The following REM2 variants were observed in gnomAD, a reference collection of about 807,000 sequenced individuals.
REM2 encodes the protein RRAD and GEM like GTPase 2.
REM2 carries 24 observed loss-of-function variants against 24.4 expected under a neutral mutation model. The observed-to-expected ratio is 0.98, with a 90% confidence interval of 0.71 to 1.38. The LOEUF is 1.38. REM2 is among the 40% of genes most tolerant of loss of function. The probability of loss-of-function intolerance (pLI) is 0.00; values close to 1 mark genes in which losing one functional copy is unlikely to be tolerated. For missense variants in REM2, 429 were observed against 467.8 expected (o/e 0.92, Z 0.77); for synonymous variants, 187 against 198.0 (o/e 0.94, Z 0.47).
intron 3 of REM2, 73 bp downstream of exon 3, chr14:22,885,412 G>A: frequency 1.8e-6 from 2 of 1,133,396 alleles, no homozygotes; most frequent in Non-Finnish European, 2.7e-6. Flanking sequence ...TCTGGCTGAA[G>A]GCTGGTGGGA....
rs565313824 is a variant in REM2 at position 22,885,769 on chromosome 14, C to T, written c.520-255C>T. ...TAGAAATAAGAGGCCAAATTACAGACGTGTGAATAATATTCATTTTTGAAT... is the reference window on the plus strand; with the variant it reads ...TAGAAATAAGAGGCCAAATTACAGATGTGTGAATAATATTCATTTTTGAAT... On this transcript the variant is annotated intron_variant, in intron 3 of 4. Coordinates refer to ENST00000267396, the MANE Select transcript of REM2 (RefSeq NM_173527.3). Among the ~76,000 whole-genome samples the T allele has an allele frequency of 4.6e-5, 7 of 152,282 alleles. No homozygotes were observed. The South Asian group carries it at 1.4e-3, about 32-fold the overall frequency.
At position 22,886,912 on chromosome 14, in the gene REM2, C is replaced by T. The variant is rs2040136113; in HGVS notation, c.*3C>T. The T allele has an allele frequency of 4.8e-6, 7 of 1,455,280 alleles. No homozygotes were observed. The highest frequency in any genetic ancestry group is 6.4e-6 in the Non-Finnish European group (7 of 1,099,790). The allele number at this position is 1,455,280 out of a possible 1,614,324, so 90.1% of individuals were successfully genotyped here. On this transcript the variant is annotated 3_prime_UTR_variant, in exon 5 of 5. Coordinates refer to ENST00000267396, the MANE Select transcript of REM2 (RefSeq NM_173527.3). The surrounding 1 kb of genome is among the most constrained non-coding windows in gnomAD (Gnocchi z 5.9). The stretch of plus-strand genomic sequence containing the variant: ...GTCACGACCTCTCGGTGCTCTGAGC[C>T]GCGGTCGCCATGGCCACTGCGGTCG...
At chr14:22,883,953 T>C (rs2040095188) in intron 1 of REM2, 3 of 904,418 alleles carry the variant, frequency 3.3e-6, no homozygotes, top group Non-Finnish European at 4.0e-6. Flanking sequence ...TCTACTGCTC[T>C]ATGAACACAA....
rs969535392 is a variant in REM2, at chr14:22,886,808, C to T, written c.922C>T (p.Leu308Phe). 6.5e-7 allele frequency: 1 copy of T among 1,549,276 alleles called. No individual in the cohort carries two copies. Among genetic ancestry groups the T allele is most frequent in the African/African-American group, 1.4e-5 (1 of 72,914 alleles). ...TGCGCCACCTGCACGCCGCGAGAGC[C>T]TCACCAAGAAAGCCAAGAGGTTCCT... ...GPAPPARRES[L>F]TKKAKRFLAN... is the part of the protein sequence containing the mutation. Residue 308 changes from leucine to phenylalanine, a missense_variant, in exon 5 of 5, where the codon CTC becomes TTC. Transcript: ENST00000267396. The surrounding 1 kb of genome is among the most constrained non-coding windows in gnomAD (Gnocchi z 5.9).
In REM2 at chr14:22,886,453, C is replaced by T; in HGVS notation, c.728-161C>T. On this transcript the variant is annotated intron_variant, in intron 4 of 4. Coordinates refer to ENST00000267396, the MANE Select transcript of REM2 (RefSeq NM_173527.3). This position sits in a 1 kb window ranked among gnomAD's most constrained non-coding sequence, Gnocchi z 5.9. ...TAGGCCTCCTTCTCCCTCTCCTTCGCACCTCCACAGACCCACCATATGAGC... is the reference window on the plus strand; with the variant it reads ...TAGGCCTCCTTCTCCCTCTCCTTCGTACCTCCACAGACCCACCATATGAGC... The T allele has an allele frequency of 1.3e-6, 1 of 752,362 alleles. No individual in the cohort carries two copies. Among genetic ancestry groups the T allele is most frequent in the Admixed American group, 2.8e-5 (1 of 35,900 alleles). The allele number at this position is 752,362 out of a possible 1,614,324, so 46.6% of individuals were successfully genotyped here. A position where few individuals can be genotyped will look rare whatever the true frequency, so the allele number is the denominator to read the frequency against.
At position 22,886,520 on chromosome 14, in the gene REM2, C is replaced by G. The variant is rs573100394; in HGVS notation, c.728-94C>G. 47 of 1,155,628 alleles carry G rather than the reference C, an allele frequency of 4.1e-5. No individual in the cohort carries two copies. Among genetic ancestry groups the G allele is most frequent in the Non-Finnish European group, 5.2e-5 (44 of 842,464 alleles). The allele number at this position is 1,155,628 out of a possible 1,614,324, so 71.6% of individuals were successfully genotyped here. A position where few individuals can be genotyped will look rare whatever the true frequency, so the allele number is the denominator to read the frequency against. On this transcript the variant is annotated intron_variant, in intron 4 of 4. Transcript: ENST00000267396. This position sits in a 1 kb window ranked among gnomAD's most constrained non-coding sequence, Gnocchi z 5.9. ...GGTTGCAAGATTCACTAGTACCAAT[C>G]CCTTGCCACCGCACGCCCAGGCCCT...
In REM2 at chr14:22,887,665, A is replaced by G. The variant is rs932558545; in HGVS notation, c.*756A>G. 6.6e-6 allele frequency: 1 copy of G among 152,184 alleles called. No homozygotes were observed. The highest frequency in any genetic ancestry group is 1.5e-5 in the Non-Finnish European group (1 of 68,044). 9.4% of individuals were successfully genotyped at this position (152,184 alleles called of 1,614,324 possible). ...CCACCCTTTCCCTTTTCAATAAATA[A>G]TTTTTGTACTGCCTCTGTTCACTTT... On this transcript the variant is annotated 3_prime_UTR_variant, in exon 5 of 5. Coordinates refer to ENST00000267396, the MANE Select transcript of REM2 (RefSeq NM_173527.3).
chr14:22,886,657 GAC>G lies in REM2; in HGVS notation c.772_773del (p.Thr258ValfsTer119). The G allele has an allele frequency of 6.8e-7, 1 of 1,462,466 alleles. No individual in the cohort carries two copies. The highest frequency in any genetic ancestry group is 1.4e-5 in the African/African-American group (1 of 69,870). 90.6% of individuals were successfully genotyped at this position (1,462,466 alleles called of 1,614,324 possible). On this transcript the variant is annotated frameshift_variant, in exon 5 of 5. Transcript: ENST00000267396. LOFTEE classifies it low-confidence loss of function (END_TRUNC). The surrounding 1 kb of genome is among the most constrained non-coding windows in gnomAD (Gnocchi z 5.9). ...GGACGCTGAGCTGCAAGCACATCGA[GAC>G]GTCGGCCGCACTGCACCACAACACG... The part of the protein sequence containing the change: ...AGTLSCKHIE[T>X]SAALHHNTRE...
intron 1 of REM2, among the ~76,000 whole-genome samples, chr14:22,883,626 A>C (rs1161957101): frequency 6.6e-6 from 1 of 152,220 alleles, no homozygotes; most frequent in East Asian, 1.9e-4. Flanking sequence ...TTTGCTTGAG[A>C]AACTGGTACA....
At chr14:22,885,468 C>A in intron 3 of REM2, 129 bp downstream of exon 3, 1 of 693,870 alleles carries the variant, frequency 1.4e-6, no homozygotes, top group Non-Finnish European at 2.6e-6. Context: ...ACCTTTCATT[C>A]ATATCACCTC....
At chr14:22,885,440 CA>C in intron 3 of REM2, 101 bp downstream of exon 3, 1 of 846,694 alleles carries the variant, frequency 1.2e-6, no homozygotes, top group Non-Finnish European at 2.0e-6. Context: ...TCCTGGTTTC[CA>C]CATGTACTGG....
chr14:22,886,778 G>A lies in REM2; in HGVS notation c.892G>A (p.Gly298Ser), dbSNP rs1595039407. The change falls in exon 5 of 5, where the codon GGC becomes AGC. Residue 298 changes from glycine (G) to serine (S), a missense_variant. Transcript: ENST00000267396. This position sits in a 1 kb window ranked among gnomAD's most constrained non-coding sequence, Gnocchi z 5.9. ...GQRPDPGSPEGPAPPARRESL... is the reference protein window; with the variant it reads ...GQRPDPGSPESPAPPARRESL... Reference sequence around the variant, plus strand: ...GAGGCCCGATCCGGGCAGCCCCGAGGGCCCTGCGCCACCTGCACGCCGCGA... The same window carrying A: ...GAGGCCCGATCCGGGCAGCCCCGAGAGCCCTGCGCCACCTGCACGCCGCGA... The A allele has an allele frequency of 1.3e-6, 2 of 1,548,354 alleles. No individual in the cohort carries two copies. Among genetic ancestry groups the A allele is most frequent in the East Asian group, 4.9e-5 (2 of 40,784 alleles).
chr14:22,886,392 A>T lies in REM2; in HGVS notation c.727+161A>T. The stretch of plus-strand genomic sequence containing the variant: ...CCCAATGCCCCACTCGAGGATCCTG[A>T]GAATCCCTTCTTGTCACTTCCCCTC... On this transcript the variant is annotated intron_variant, in intron 4 of 4. Coordinates refer to ENST00000267396, the MANE Select transcript of REM2 (RefSeq NM_173527.3). This position sits in a 1 kb window ranked among gnomAD's most constrained non-coding sequence, Gnocchi z 5.9. The T allele has an allele frequency of 1.3e-6, 1 of 772,370 alleles. No homozygotes were observed. The highest frequency in any genetic ancestry group is 2.1e-6 in the Non-Finnish European group (1 of 472,762). 47.8% of individuals were successfully genotyped at this position (772,370 alleles called of 1,614,324 possible). A position where few individuals can be genotyped will look rare whatever the true frequency, so the allele number is the denominator to read the frequency against.
At position 22,884,729 on chromosome 14, in the gene REM2, G is replaced by A; in HGVS notation, c.159G>A (p.Arg53=). The change falls in exon 2 of 5, where the codon CGG becomes CGA. Residue 53 remains arginine (R), a synonymous_variant. Coordinates refer to ENST00000267396, the MANE Select transcript of REM2 (RefSeq NM_173527.3). ...AGAAACTGTTGGCAGAGTTGGACCG[G>A]AGCGGGTTACCCTCTGCCCCTGGGG... The part of the protein sequence containing the change: ...KSEKLLAELD[R]SGLPSAPGAP... 6.2e-7 allele frequency: 1 copy of A among 1,613,722 alleles called. No individual in the cohort carries two copies. Among genetic ancestry groups the A allele is most frequent in the South Asian group, 1.1e-5 (1 of 91,052 alleles).
intron 1 of REM2, 63 bp downstream of exon 1, chr14:22,883,453 G>A: frequency 1.4e-6 from 2 of 1,454,866 alleles, no homozygotes. Context: ...AGCTTTGGTG[G>A]GGAGGTCAGA....
At chr14:22,885,071 G>A (rs2040110512) in intron 2 of REM2, 56 bp downstream of exon 2, 1 of 1,496,098 alleles carries the variant, frequency 6.7e-7, no homozygotes, top group Admixed American at 2.3e-5. Flanking sequence ...GGTCAGGGAA[G>A]GAAGTGCTCG....
chr14:22,884,225 C>T (rs894031638), intron 1 of REM2: 2 of 985,316 alleles, frequency 2.0e-6, no homozygotes, highest in Non-Finnish European at 2.4e-6. Flanking sequence ...AGCTTGTCAT[C>T]CTCTCTGCTC....
At position 22,883,397 on chromosome 14, in the gene REM2, G is replaced by T; in HGVS notation, c.103+7G>T. The stretch of plus-strand genomic sequence containing the variant: ...CCAGGGACGCCCACACCAGGTGAGG[G>T]CTAACCTGGGCAGGTTCCGGCTGAA... On this transcript the variant is annotated splice_region_variant and intron_variant, in intron 1 of 4. Transcript: ENST00000267396. 1 of 1,551,876 alleles carries T rather than the reference G, an allele frequency of 6.4e-7. No individual in the cohort carries two copies. The highest frequency in any genetic ancestry group is 8.7e-7 in the Non-Finnish European group (1 of 1,147,084).
At chr14:22,884,273 G>A in intron 1 of REM2, 1 of 985,454 alleles carries the variant, frequency 1.0e-6, no homozygotes, top group Middle Eastern at 5.2e-4. Context: ...AACAGGAGGA[G>A]GAAGGGCCTC....
Sources: allele counts gnomAD v4.1 joint callset (sites outside exome capture counted in the v4.1 genomes callset), GRCh38; gene constraint gnomAD v4.1.1; non-coding constraint Gnocchi (gnomAD v3.1); transcripts MANE v1.5; gene names NCBI Gene and HGNC (gene_info 2026-07-23, HGNC 2026-07-21).